The following GOSR1 variants were observed in gnomAD, a reference collection of about 807,000 sequenced individuals.
GOSR1 encodes the protein 28 kDa Golgi SNARE protein.
Under a neutral mutation model 35.5 loss-of-function variants are expected in GOSR1, and 21 were observed. That is an observed-to-expected ratio of 0.59 (90% CI 0.42 to 0.85). The LOEUF (loss-of-function observed/expected upper bound fraction) is 0.85. Among genes scored for constraint, GOSR1 ranks in the 40% least tolerant of loss-of-function variants. GOSR1 has a pLI of 0.00. For missense variants in GOSR1, 285 were observed against 309.6 expected (o/e 0.92, Z 0.60); for synonymous variants, 94 against 106.6 (o/e 0.88, Z 0.73).
intron 6 of GOSR1, among the ~76,000 whole-genome samples, chr17:30,501,642 C>G (rs1021972598): frequency 3.9e-5 from 6 of 152,094 alleles, no homozygotes; most frequent in African/African-American, 1.4e-4. Flanking sequence ...ATTACAGGTG[C>G]GTGCCACCAC....
intron 2 of GOSR1, 113 bp from the exon 3 acceptor site, chr17:30,484,101 A>G (rs751207532): frequency 8.8e-6 from 6 of 682,514 alleles, no homozygotes; most frequent in South Asian, 8.3e-5. Context: ...CAGACCCTAT[A>G]TAACATAATC....
At chr17:30,487,728 A>C (rs745344660) in intron 4 of GOSR1, among the ~76,000 whole-genome samples, 3 of 152,116 alleles carry the variant, frequency 2.0e-5, no homozygotes, top group Non-Finnish European at 4.4e-5. Context: ...GTTTAGCACT[A>C]CCAGAATTTA....
chr17:30,479,857 C>G (rs1467123495), intron 1 of GOSR1: 1 of 152,104 alleles, frequency 6.6e-6, no homozygotes, highest in Non-Finnish European at 1.5e-5. Flanking sequence ...TGTCTCATGC[C>G]TGTAATTCTA....
At chr17:30,495,187 CAAAAAAAAAAA>C (rs11369569) in intron 6 of GOSR1, among the ~76,000 whole-genome samples, 63 of 81,316 alleles carry the variant, frequency 7.7e-4, no homozygotes, top group African/African-American at 2.6e-3. Context: ...GACTCCGGCT[CAAAAAAAAAAA>C]AAAAAAAAAG....
At chr17:30,486,232 G>A (rs1914675796) in intron 4 of GOSR1, among the ~76,000 whole-genome samples, 1 of 151,814 alleles carries the variant, frequency 6.6e-6, no homozygotes, top group Non-Finnish European at 1.5e-5. Flanking sequence ...GAAATGAAAT[G>A]TATGCTGGGC....
chr17:30,490,523 TATA>T (rs535854244), intron 5 of GOSR1, among the ~76,000 whole-genome samples: 202 of 152,300 alleles, frequency 1.3e-3, no homozygotes, highest in African/African-American at 4.6e-3. Flanking sequence ...CCCTAAGAAT[TATA>T]ATGTTACTTT....
chr17:30,522,495 G>A lies in GOSR1; in HGVS notation c.*117G>A. 1 of 744,442 alleles carries A rather than the reference G, an allele frequency of 1.3e-6. No individual in the cohort carries two copies. Among genetic ancestry groups the A allele is most frequent in the Non-Finnish European group, 2.1e-6 (1 of 482,504 alleles). 46.1% of individuals were successfully genotyped at this position (744,442 alleles called of 1,614,324 possible). ...AATTAGCCTGACCAGCAGGATGAAT[G>A]CAAGACTGACAGTGATGGACTCTGT... is the stretch of plus-strand genomic sequence containing the variant. On this transcript the variant is annotated 3_prime_UTR_variant, in exon 9 of 9. Transcript: ENST00000451249.
In GOSR1 at chr17:30,525,301, A is replaced by C. The variant is rs770983273; in HGVS notation, c.*2923A>C. Reference sequence around the variant, plus strand: ...CATTCTGGTGTCAAAGTTTTGTTACATTATGGGTGTGAAGGGCATTTGATA... The same window carrying C: ...CATTCTGGTGTCAAAGTTTTGTTACCTTATGGGTGTGAAGGGCATTTGATA... On this transcript the variant is annotated 3_prime_UTR_variant, in exon 9 of 9. Coordinates refer to ENST00000451249, the MANE Select transcript of GOSR1 (RefSeq NM_001007025.2). The C allele has an allele frequency of 3.3e-5, 5 of 152,222 alleles. No individual in the cohort carries two copies. Among genetic ancestry groups the C allele is most frequent in the Non-Finnish European group, 5.9e-5 (4 of 68,042 alleles). 9.4% of individuals were successfully genotyped at this position (152,222 alleles called of 1,614,324 possible). A position where few individuals can be genotyped will look rare whatever the true frequency, so the allele number is the denominator to read the frequency against.
intron 6 of GOSR1, among the ~76,000 whole-genome samples, chr17:30,499,030 G>A (rs909159925): frequency 5.9e-5 from 9 of 151,954 alleles, no homozygotes; most frequent in South Asian, 2.1e-4. Context: ...CCTCAGTCCC[G>A]GGCAGCTGCT....
At chr17:30,485,036 T>C in intron 4 of GOSR1, 1 of 451,728 alleles carries the variant, frequency 2.2e-6, no homozygotes, top group Admixed American at 3.4e-5. Context: ...ATGGGAGACC[T>C]AGCTAGCTAG....
intron 7 of GOSR1, among the ~76,000 whole-genome samples, chr17:30,515,294 A>ATTT (rs35911853): frequency 6.4e-5 from 9 of 139,550 alleles, no homozygotes; most frequent in Middle Eastern, 3.7e-3. Flanking sequence ...TGCCCAGCTA[A>ATTT]TTTTTTTTTT....
Position 30,510,985 on chromosome 17 carries a change from G to A in GOSR1, c.539+76G>A, listed in dbSNP as rs565937166. On this transcript the variant is annotated intron_variant, in intron 7 of 8. Coordinates refer to ENST00000451249, the MANE Select transcript of GOSR1 (RefSeq NM_001007025.2). ...AAATTTAATGAACAGTGTTACAGCT[G>A]TTTTAGAATTAAAGAAAAAACATTT... 2.3e-5 allele frequency: 19 copies of A among 816,820 alleles called. No homozygotes were observed. In the South Asian group the frequency reaches 2.9e-4, roughly 13 times the overall value. 50.6% of individuals were successfully genotyped at this position (816,820 alleles called of 1,614,324 possible).
At chr17:30,492,081 A>C (rs1381515766) in intron 5 of GOSR1, among the ~76,000 whole-genome samples, 1 of 152,234 alleles carries the variant, frequency 6.6e-6, no homozygotes, top group Non-Finnish European at 1.5e-5. Flanking sequence ...TCTCCAAAAA[A>C]AAAAAATTGT....
chr17:30,499,532 G>T (rs1262769796), intron 6 of GOSR1, among the ~76,000 whole-genome samples: 1 of 152,060 alleles, frequency 6.6e-6, no homozygotes, highest in South Asian at 2.1e-4. Flanking sequence ...TAGTAGAGAC[G>T]GGGTTTCACG....
chr17:30,477,953 G>A (rs1914057625), intron 1 of GOSR1: 1 of 984,476 alleles, frequency 1.0e-6, no homozygotes, highest in Non-Finnish European at 1.2e-6. Context: ...AAGAGAATAG[G>A]AGACAGAATG....
intron 6 of GOSR1, among the ~76,000 whole-genome samples, chr17:30,493,062 C>T (rs1355534862): frequency 1.3e-5 from 2 of 151,610 alleles, no homozygotes; most frequent in Non-Finnish European, 2.9e-5. Context: ...GACTCAATCT[C>T]AGCTCACTGC....
At chr17:30,491,220 G>GC (rs932288521) in intron 5 of GOSR1, among the ~76,000 whole-genome samples, 3 of 152,174 alleles carry the variant, frequency 2.0e-5, no homozygotes, top group South Asian at 2.1e-4. Flanking sequence ...TAGACACTGA[G>GC]CCCCCCCATA....
chr17:30,503,660 C>T (rs1967295517), intron 6 of GOSR1, among the ~76,000 whole-genome samples: 1 of 152,182 alleles, frequency 6.6e-6, no homozygotes, highest in South Asian at 2.1e-4. Flanking sequence ...GACCTGGAGA[C>T]TGGGCAATTT....
At chr17:30,496,417 A>G (rs147632770) in intron 6 of GOSR1, among the ~76,000 whole-genome samples, 206 of 152,314 alleles carry the variant, frequency 1.4e-3, no homozygotes, top group African/African-American at 4.5e-3. Flanking sequence ...GCCTGACTTG[A>G]TATCATAGTC....
Sources: gnomAD v4.1 joint callset for allele counts (sites outside exome capture counted in the v4.1 genomes callset) on GRCh38, gnomAD v4.1.1 for gene constraint, MANE v1.5 for transcripts, NCBI Gene and HGNC (gene_info 2026-07-23, HGNC 2026-07-21) for gene names.